PARN: variants seen among roughly 807,000 people sequenced by gnomAD.
The protein encoded by PARN is poly(A)-specific ribonuclease PARN.
Under a neutral mutation model 102.8 loss-of-function variants are expected in PARN, and 71 were observed. The ratio of observed to expected loss-of-function variants is 0.69; its 90% confidence interval spans 0.57 to 0.84. The LOEUF (loss-of-function observed/expected upper bound fraction) is 0.84, where lower values mean the gene tolerates loss of function less well. PARN is among the 40% of genes least tolerant of loss of function. The pLI is 0.00. For missense variants in PARN, 782 were observed against 760.9 expected, an observed-to-expected ratio of 1.03 and a Z score of -0.33; for synonymous variants, 261 against 252.9, an observed-to-expected ratio of 1.03 and a Z score of -0.30.
At chr16:14,460,724 T>C (rs1202207187) in intron 22 of PARN, among the ~76,000 whole-genome samples, 3 of 152,244 alleles carry the variant, frequency 2.0e-5, no homozygotes, top group African/African-American at 7.2e-5. Flanking sequence ...TTAAAGTGTT[T>C]TATTTCTTTG....
chr16:14,509,107 T>C (rs1022252843), intron 21 of PARN, among the ~76,000 whole-genome samples: 2 of 152,052 alleles, frequency 1.3e-5, no homozygotes, highest in African/African-American at 2.4e-5. Flanking sequence ...GACGCCCCTT[T>C]GCAATGAGAA....
At chr16:14,488,436 GAAGA>G (rs928997518) in intron 21 of PARN, among the ~76,000 whole-genome samples, 5 of 152,184 alleles carry the variant, frequency 3.3e-5, no homozygotes, top group East Asian at 1.9e-4. Flanking sequence ...ACTTTAAAGA[GAAGA>G]AAGACAATCT....
intron 19 of PARN, 150 bp from the exon 20 acceptor site, chr16:14,554,301 T>C (rs962818713): frequency 3.7e-5 from 22 of 599,890 alleles, no homozygotes; most frequent in Non-Finnish European, 5.5e-5. Flanking sequence ...ATGCCTAGGA[T>C]TGGTGGGATT....
intron 23 of PARN, among the ~76,000 whole-genome samples, chr16:14,439,560 T>C (rs763792560): frequency 2.6e-5 from 4 of 152,156 alleles, no homozygotes; most frequent in Non-Finnish European, 5.9e-5. Flanking sequence ...AACCTAAAAC[T>C]GTAAAACTTC....
intron 18 of PARN, 29 bp from the exon 19 acceptor site, chr16:14,555,738 G>A (rs992650055): frequency 3.2e-6 from 4 of 1,233,846 alleles, no homozygotes; most frequent in Non-Finnish European, 4.5e-6. Context: ...AACAAGTAAT[G>A]GGCAATTTCC....
At chr16:14,557,163 G>C (rs1967743026) in intron 18 of PARN, among the ~76,000 whole-genome samples, 2 of 152,130 alleles carry the variant, frequency 1.3e-5, no homozygotes, top group African/African-American at 2.4e-5. Flanking sequence ...TTCTGGTAGA[G>C]ACAACATTAT....
chr16:14,470,449 T>G (rs549257571), intron 22 of PARN, among the ~76,000 whole-genome samples: 5,977 of 99,862 alleles, frequency 0.06, 385 homozygotes, highest in African/African-American at 0.16. Flanking sequence ...TTATTATTAT[T>G]ATTATTATTA....
intron 18 of PARN, among the ~76,000 whole-genome samples, chr16:14,560,782 C>A (rs1332457087): frequency 6.6e-6 from 1 of 152,216 alleles, no homozygotes; most frequent in South Asian, 2.1e-4. Flanking sequence ...CCTTTAGCTC[C>A]AAAGAGCCAC....
chr16:14,451,869 CAAAAAAAAAAAAAAAAA>C (rs869041563), intron 22 of PARN, among the ~76,000 whole-genome samples: 1 of 52,498 alleles, frequency 1.9e-5, no homozygotes, highest in East Asian at 9.8e-4. Flanking sequence ...AAAAAAAATA[CAAAAAAAAAAAAAAAAA>C]AAAAAATACA....
intron 21 of PARN, among the ~76,000 whole-genome samples, chr16:14,521,618 A>C (rs1487198749): frequency 2.6e-5 from 4 of 152,106 alleles, no homozygotes; most frequent in Non-Finnish European, 4.4e-5. Context: ...GACCAACATG[A>C]AGAAATCCCA....
intron 23 of PARN, among the ~76,000 whole-genome samples, chr16:14,440,660 A>T (rs1960901943): frequency 6.6e-6 from 1 of 152,232 alleles, no homozygotes; most frequent in Admixed American, 6.5e-5. Flanking sequence ...GTGGAATACC[A>T]CTTAGCAGTA....
chr16:14,611,259 G>A (rs1356203385), intron 6 of PARN, among the ~76,000 whole-genome samples: 2 of 152,206 alleles, frequency 1.3e-5, no homozygotes, highest in Non-Finnish European at 2.9e-5. Flanking sequence ...GCAGCAAGGA[G>A]CTGGTGTGGC....
chr16:14,555,519 T>G, intron 19 of PARN, 135 bp downstream of exon 19: 1 of 459,418 alleles, frequency 2.2e-6, no homozygotes, highest in Non-Finnish European at 3.9e-6. Flanking sequence ...TTAAGCATAC[T>G]ATTCATATCA....
chr16:14,609,739 A>G (rs1242045959), intron 7 of PARN, among the ~76,000 whole-genome samples: 1 of 152,256 alleles, frequency 6.6e-6, no homozygotes, highest in African/African-American at 2.4e-5. Context: ...GCTGAGCAAG[A>G]CCAGACACTT....
chr16:14,627,822 A>G (rs1172212361), intron 3 of PARN, among the ~76,000 whole-genome samples: 1 of 152,156 alleles, frequency 6.6e-6, no homozygotes, highest in Admixed American at 6.5e-5. Context: ...ACCGATCTCT[A>G]CAAAAGAATA....
At chr16:14,574,977 G>A (rs1039990078) in intron 18 of PARN, among the ~76,000 whole-genome samples, 9 of 152,202 alleles carry the variant, frequency 5.9e-5, no homozygotes, top group Non-Finnish European at 1.0e-4. Context: ...GCTTCAGAGG[G>A]TGGAAGCCCT....
chr16:14,550,201 C>T (rs1425571526), intron 21 of PARN, among the ~76,000 whole-genome samples: 1 of 152,000 alleles, frequency 6.6e-6, no homozygotes, highest in Non-Finnish European at 1.5e-5. Context: ...AATTCAATCC[C>T]TCTGGATTCT....
intron 22 of PARN, among the ~76,000 whole-genome samples, chr16:14,472,795 C>T (rs756558231): frequency 2.0e-5 from 3 of 152,112 alleles, no homozygotes; most frequent in South Asian, 2.1e-4. Context: ...ACACAAAAAC[C>T]GCTGGGATGG....
At chr16:14,536,254 A>C (rs1966601520) in intron 21 of PARN, among the ~76,000 whole-genome samples, 1 of 152,214 alleles carries the variant, frequency 6.6e-6, no homozygotes, top group African/African-American at 2.4e-5. Context: ...CATTTTTTAA[A>C]ACTGTGAGGT....
Sources: allele counts gnomAD v4.1 joint callset (sites outside exome capture counted in the v4.1 genomes callset), GRCh38; gene constraint gnomAD v4.1.1; transcripts MANE v1.5; gene names NCBI Gene and HGNC (gene_info 2026-07-23, HGNC 2026-07-21).